PRIMA1: variants seen among roughly 807,000 people sequenced by gnomAD.
The protein encoded by PRIMA1 is proline-rich membrane anchor 1.
PRIMA1 carries 7 observed loss-of-function variants against 17.5 expected under a neutral mutation model. The observed-to-expected ratio is 0.40, with a 90% CI of 0.23 to 0.75. The LOEUF is 0.75. Among genes scored for constraint, PRIMA1 ranks in the 30% least tolerant of loss-of-function variants. The pLI, the probability that PRIMA1 is intolerant of heterozygous loss-of-function variation, is 0.37. For missense variants in PRIMA1, 200 were observed against 201.8 expected (o/e 0.99, Z 0.05); for synonymous variants, 97 against 77.9 (o/e 1.25, Z -1.29).
At chr14:93,722,741 CAG>C (rs1171157750) in intron 4 of PRIMA1, among the ~76,000 whole-genome samples, 2 of 1,430 alleles carry the variant, frequency 1.4e-3, no homozygotes, top group Admixed American at 0.01. Flanking sequence ...GTTGGGTTAA[CAG>C]TGGTGGTGAT....
chr14:93,754,678 C>T (rs1170379440), intron 3 of PRIMA1, among the ~76,000 whole-genome samples: 1 of 152,192 alleles, frequency 6.6e-6, no homozygotes, highest in Non-Finnish European at 1.5e-5. Context: ...CCCTTTAATT[C>T]CTTACAGTCA....
chr14:93,787,271 G>T (rs773404508), intron 2 of PRIMA1, among the ~76,000 whole-genome samples: 12 of 152,202 alleles, frequency 7.9e-5, no homozygotes, highest in Non-Finnish European at 1.3e-4. Context: ...TTCATCAGTG[G>T]TTCTGGTGAG....
At chr14:93,788,539 C>T (rs934798313), upstream of PRIMA1, 1 of 152,338 alleles carries the variant, frequency 6.6e-6, no homozygotes, top group African/African-American at 2.4e-5. Flanking sequence ...AGTCCCCCGC[C>T]CTCTAGGCGG....
chr14:93,779,401 C>G, intron 2 of PRIMA1, 90 bp from the exon 3 acceptor site: 4 of 1,133,894 alleles, frequency 3.5e-6, no homozygotes, highest in Non-Finnish European at 4.9e-6. Context: ...CGTCCCCTGC[C>G]AGGCTGGGAC....
chr14:93,786,874 C>G (rs1459842801), intron 2 of PRIMA1, among the ~76,000 whole-genome samples: 1 of 152,214 alleles, frequency 6.6e-6, no homozygotes, highest in Non-Finnish European at 1.5e-5. Flanking sequence ...ATAGTACAGT[C>G]AGGAAGAAGA....
At chr14:93,749,178 C>T (rs952548912) in intron 3 of PRIMA1, among the ~76,000 whole-genome samples, 2 of 152,192 alleles carry the variant, frequency 1.3e-5, no homozygotes, top group African/African-American at 4.8e-5. Flanking sequence ...CCTTCTGTTC[C>T]CACCAGGGCT....
intron 3 of PRIMA1, among the ~76,000 whole-genome samples, chr14:93,758,245 A>C (rs533726353): frequency 1.3e-5 from 2 of 152,264 alleles, no homozygotes; most frequent in African/African-American, 4.8e-5. Flanking sequence ...GACGCGGCCT[A>C]AATATGAGCA....
At chr14:93,786,467 C>T (rs911364683) in intron 2 of PRIMA1, among the ~76,000 whole-genome samples, 1 of 152,194 alleles carries the variant, frequency 6.6e-6, no homozygotes, top group African/African-American at 2.4e-5. Flanking sequence ...AAGCTCTCGG[C>T]AGGGCCCCAT....
intron 3 of PRIMA1, among the ~76,000 whole-genome samples, chr14:93,740,887 AT>A (rs2076180359): frequency 6.6e-6 from 1 of 152,210 alleles, no homozygotes; most frequent in Non-Finnish European, 1.5e-5. Flanking sequence ...CTCATAGGGA[AT>A]TTGGCACTAA....
At chr14:93,731,436 G>A (rs1331401670) in intron 4 of PRIMA1, among the ~76,000 whole-genome samples, 1 of 152,198 alleles carries the variant, frequency 6.6e-6, no homozygotes, top group East Asian at 1.9e-4. Flanking sequence ...TCTTTCTTAA[G>A]AGCCTTGGGA....
chr14:93,739,643 A>C (rs1284845696), intron 3 of PRIMA1, among the ~76,000 whole-genome samples: 1 of 152,196 alleles, frequency 6.6e-6, no homozygotes, highest in African/African-American at 2.4e-5. Flanking sequence ...GGGAGCAGTT[A>C]CTGATTTGTT....
chr14:93,736,354 A>G (rs1483513857), intron 4 of PRIMA1, among the ~76,000 whole-genome samples: 1 of 152,224 alleles, frequency 6.6e-6, no homozygotes, highest in Non-Finnish European at 1.5e-5. Context: ...GACTGGGAAA[A>G]TGTAGGTGGA....
At chr14:93,745,127 G>T (rs2076208841) in intron 3 of PRIMA1, among the ~76,000 whole-genome samples, 1 of 152,116 alleles carries the variant, frequency 6.6e-6, no homozygotes, top group South Asian at 2.1e-4. Context: ...TGCCAACCAT[G>T]CCCCTTCCTG....
At chr14:93,725,215 T>G (rs2076066825) in intron 4 of PRIMA1, among the ~76,000 whole-genome samples, 1 of 150,322 alleles carries the variant, frequency 6.7e-6, no homozygotes, top group African/African-American at 2.5e-5. Flanking sequence ...GGTAAGGGGC[T>G]CGGCACCTGT....
chr14:93,773,995 G>C (rs1322780471), intron 3 of PRIMA1, among the ~76,000 whole-genome samples: 1 of 152,118 alleles, frequency 6.6e-6, no homozygotes, highest in African/African-American at 2.4e-5. Context: ...GGGAAGCTGA[G>C]GCAGAAGAAT....
At chr14:93,777,085 ATGGTACT>A (rs1885240287) in intron 3 of PRIMA1, among the ~76,000 whole-genome samples, 1 of 152,180 alleles carries the variant, frequency 6.6e-6, no homozygotes, top group African/African-American at 2.4e-5. Context: ...CAAATAAGAG[ATGGTACT>A]TGGATATGCG....
intron 2 of PRIMA1, 25 bp from the exon 3 acceptor site, chr14:93,779,336 A>AAG (rs751723341): frequency 5.3e-6 from 8 of 1,516,608 alleles, no homozygotes; most frequent in African/African-American, 2.9e-5. Context: ...ACACGTACCC[A>AAG]AGAGAGAGAG....
chr14:93,721,298 C>G lies in PRIMA1; in HGVS notation c.*146G>C. 1.7e-6 allele frequency: 1 copy of G among 601,482 alleles called. No homozygotes were observed. The highest frequency in any genetic ancestry group is 2.9e-6 in the Non-Finnish European group (1 of 341,858). 37.3% of individuals were successfully genotyped at this position (601,482 alleles called of 1,614,324 possible). On this transcript the variant is annotated 3_prime_UTR_variant, in exon 5 of 5. Transcript: ENST00000393140. ...CTGACCAGGGGCAAGCCTGGGAAGA[C>G]AATGGTTTCTCCTTCGGGAGGCTCA...
intron 4 of PRIMA1, among the ~76,000 whole-genome samples, chr14:93,728,811 C>G (rs2076096243): frequency 6.6e-6 from 1 of 152,186 alleles, no homozygotes; most frequent in African/African-American, 2.4e-5. Flanking sequence ...GGCCTGGGCT[C>G]CATGCGCCCC....
Sources: gnomAD v4.1 joint callset for allele counts (sites outside exome capture counted in the v4.1 genomes callset) on GRCh38, gnomAD v4.1.1 for gene constraint, MANE v1.5 for transcripts, NCBI Gene and HGNC (gene_info 2026-07-23, HGNC 2026-07-21) for gene names.